CBARP: variants seen among roughly 807,000 people sequenced by gnomAD.
CBARP encodes CACN subunit beta associated regulatory protein, also known as voltage-dependent calcium channel beta subunit-associated regulatory protein.
A neutral mutation model predicts 36.3 loss-of-function variants in CBARP; 24 were observed. The observed-to-expected ratio is 0.66, with a 90% confidence interval of 0.48 to 0.93. The LOEUF (loss-of-function observed/expected upper bound fraction) is 0.93, where lower values mean the gene tolerates loss of function less well. CBARP is among the 40% of genes least tolerant of loss of function. The pLI is 0.00. For missense variants in CBARP, 1,146 were observed against 980.4 expected, an observed-to-expected ratio of 1.17 and a Z score of -2.26; for synonymous variants, 586 against 453.2, an observed-to-expected ratio of 1.29 and a Z score of -3.72.
At chr19:1,234,498 G>T in intron 6 of CBARP, 73 bp downstream of exon 6, 3 of 1,486,638 alleles carry the variant, frequency 2.0e-6, no homozygotes, top group Non-Finnish European at 2.7e-6. Flanking sequence ...GTGGGTGAGG[G>T]CGTGGGGGTC....
rs915400878 is a variant in CBARP at position 1,229,313 on chromosome 19, A to C, written c.1984T>G (p.Ser662Ala). The C allele has an allele frequency of 8.0e-7, 1 of 1,252,618 alleles. No homozygotes were observed. The highest frequency in any genetic ancestry group is 1.0e-6 in the Non-Finnish European group (1 of 975,056). 77.6% of individuals were successfully genotyped at this position (1,252,618 alleles called of 1,614,324 possible). Reference sequence around the variant, plus strand: ...GCCAGCTTGTCCAGCACCGACCCGGATGGTAGGACGCACAGGCCCGAGCCG... The same window carrying C: ...GCCAGCTTGTCCAGCACCGACCCGGCTGGTAGGACGCACAGGCCCGAGCCG... ...CPGSGLCVLP[S>A]GSVLDKLAAG... The change falls in exon 10 of 10, where the codon TCC (serine) becomes GCC (alanine). Residue 662 changes from serine to alanine, a missense_variant. By Grantham distance (99) the Ser-to-Ala change is moderately conservative. Transcript: ENST00000650044. The surrounding 1 kb of genome is among the most constrained non-coding windows in gnomAD (Gnocchi z 5.1).
intron 8 of CBARP, 124 bp from the exon 9 acceptor site, chr19:1,231,399 C>A (rs551244198): frequency 7.4e-7 from 1 of 1,359,264 alleles, no homozygotes; most frequent in Non-Finnish European, 9.7e-7. Context: ...CCACACACAA[C>A]GCCTGTGGAC....
intron 9 of CBARP, 68 bp downstream of exon 9, chr19:1,231,033 T>C (rs1568731085): frequency 6.4e-7 from 1 of 1,553,630 alleles, no homozygotes; most frequent in East Asian, 2.3e-5. Flanking sequence ...CTGGGCCGCC[T>C]AGGGGGGGGC....
chr19:1,233,453 G>T lies in CBARP; in HGVS notation c.952C>A (p.Gln318Lys). 1.3e-6 allele frequency: 2 copies of T among 1,598,184 alleles called. No individual in the cohort carries two copies. The highest frequency in any genetic ancestry group is 1.7e-6 in the Non-Finnish European group (2 of 1,172,868). The change falls in exon 8 of 10, where the codon CAG (glutamine) becomes AAG (lysine). Residue 318 changes from glutamine to lysine, a missense_variant. Gln to Lys is a moderately conservative substitution (Grantham distance 53). Transcript: ENST00000650044. ...KVKKWKLEPS[Q>K]RAASLDTRGS... ...CTCGTGTCCAGACTGGCTGCCCGCTGGCTGGGCTCCAGCTTCCACTTCTTG... is the reference window on the plus strand; with the variant it reads ...CTCGTGTCCAGACTGGCTGCCCGCTTGCTGGGCTCCAGCTTCCACTTCTTG...
chr19:1,233,560 G>T lies in CBARP; in HGVS notation c.845C>A (p.Ser282Tyr), dbSNP rs1436913886. The change falls in exon 8 of 10, where the codon TCC (serine) becomes TAC (tyrosine). Residue 282 changes from serine (S) to tyrosine (Y), a missense_variant. Physicochemically the swap from Ser to Tyr is moderately radical, Grantham distance 144 (BLOSUM62 -2). Transcript: ENST00000650044. Reference sequence around the variant, plus strand: ...GAACTGCAGAACGGTACCTGCCCCGGATCCCGGGCCCGCCTCCCCAGGCCC... The same window carrying T: ...GAACTGCAGAACGGTACCTGCCCCGTATCCCGGGCCCGCCTCCCCAGGCCC... ...AAGPGEAGPG[S>Y]GAGTVLQFLT... 1 of 1,609,100 alleles carries T rather than the reference G, an allele frequency of 6.2e-7. No individual in the cohort carries two copies. The highest frequency in any genetic ancestry group is 8.5e-7 in the Non-Finnish European group (1 of 1,178,558).
Position 1,235,111 on chromosome 19 carries a change from C to G in CBARP, c.345G>C (p.Gln115His). The G allele has an allele frequency of 6.2e-7, 1 of 1,602,744 alleles. No individual in the cohort carries two copies. Among genetic ancestry groups the G allele is most frequent in the Non-Finnish European group, 8.5e-7 (1 of 1,175,276 alleles). The change falls in exon 5 of 10, where the codon CAG becomes CAC. Residue 115 changes from glutamine to histidine, a missense_variant. Physicochemically the swap from Gln to His is conservative, Grantham distance 24. Coordinates refer to ENST00000650044, the MANE Select transcript of CBARP (RefSeq NM_001393918.1). The part of the protein sequence containing the change: ...PDFRGEDPEC[Q>H]DAETERFLST... ...ACAGGAAGCGTTCGGTCTCCGCATC[C>G]TGGCACTCGGGGTCCTCTCCCCGGA...
In CBARP at chr19:1,235,503, T is replaced by G. The variant is rs2080956348; in HGVS notation, c.308A>C (p.Gln103Pro). The G allele has an allele frequency of 1.3e-6, 2 of 1,591,872 alleles. No individual in the cohort carries two copies. Among genetic ancestry groups the G allele is most frequent in the Non-Finnish European group, 1.7e-6 (2 of 1,171,682 alleles). ...AGCCAGGCTGGCCAGCACCTCACCT[T>G]GGGCTGGGTGGGTGCCGTTGTCCAG... is the stretch of plus-strand genomic sequence containing the variant. ...TYLDNGTHPA[Q>P]DPDFRGEDPE... The change falls in exon 4 of 10, where the codon CAA (glutamine) becomes CCA (proline). Residue 103 changes from glutamine (Q) to proline (P), a missense_variant and splice_region_variant. By Grantham distance (76) the Gln-to-Pro change is moderately conservative. Transcript: ENST00000650044.
chr19:1,229,944 C>T lies in CBARP; in HGVS notation c.1353G>A (p.Ser451=), dbSNP rs745308625. Residue 451 remains serine, a synonymous_variant, in exon 10 of 10, where the codon TCG becomes TCA. Coordinates refer to ENST00000650044, the MANE Select transcript of CBARP (RefSeq NM_001393918.1). This position sits in a 1 kb window ranked among gnomAD's most constrained non-coding sequence, Gnocchi z 5.1. ...RASLELHAAA[S]DHSSSGNDRD... is the part of the protein sequence containing the mutation. The stretch of plus-strand genomic sequence containing the variant: ...GGTCGTTGCCGCTGCTGCTGTGGTC[C>T]GAGGCGGCCGCATGCAGCTCAAGCG... The T allele has an allele frequency of 1.7e-6, 2 of 1,197,632 alleles. No homozygotes were observed. The highest frequency in any genetic ancestry group is 1.7e-5 in the African/African-American group (1 of 60,298). The allele number at this position is 1,197,632 out of a possible 1,614,324, so 74.2% of individuals were successfully genotyped here. A position where few individuals can be genotyped will look rare whatever the true frequency, so the allele number is the denominator to read the frequency against.
chr19:1,234,633 C>T lies in CBARP; in HGVS notation c.565G>A (p.Ala189Thr), dbSNP rs747668437. The change falls in exon 6 of 10, where the codon GCC (alanine) becomes ACC (threonine). Residue 189 changes from alanine (A) to threonine (T), a missense_variant. By Grantham distance (58) the Ala-to-Thr change is moderately conservative. Coordinates refer to ENST00000650044, the MANE Select transcript of CBARP (RefSeq NM_001393918.1). ...GGGTGGGGCGTGGTGGCTGAGCTGG[C>T]CTCGCCTGAGTCACACTCGTGGATG... ...VTIHECDSGEASSATTPHPAT... is the reference protein window; with the variant it reads ...VTIHECDSGETSSATTPHPAT... 2 of 1,610,432 alleles carry T rather than the reference C, an allele frequency of 1.2e-6. No individual in the cohort carries two copies. The highest frequency in any genetic ancestry group is 1.1e-5 in the South Asian group (1 of 90,138).
At chr19:1,230,798 C>T in intron 9 of CBARP, 1 of 1,423,046 alleles carries the variant, frequency 7.0e-7, no homozygotes, top group Non-Finnish European at 9.1e-7. Flanking sequence ...GGCCTGGGAC[C>T]ACAGCAGAAC....
rs1342477332 is a variant in CBARP at position 1,229,446 on chromosome 19, C to T, written c.1851G>A (p.Arg617=). The change falls in exon 10 of 10, where the codon CGG becomes CGA. Residue 617 remains arginine (R), a synonymous_variant. Coordinates refer to ENST00000650044, the MANE Select transcript of CBARP (RefSeq NM_001393918.1). The surrounding 1 kb of genome is among the most constrained non-coding windows in gnomAD (Gnocchi z 5.1). Reference sequence around the variant, plus strand: ...GCGGGCCGTCCACGCTGTCGCCGCGCCGCAAGGGCGCACGCGCGGGTCGGG... The same window carrying T: ...GCGGGCCGTCCACGCTGTCGCCGCGTCGCAAGGGCGCACGCGCGGGTCGGG... ...GAARPARAPL[R]RGDSVDGPPD... is the part of the protein sequence containing the mutation. 1.0e-6 allele frequency: 1 copy of T among 983,588 alleles called. No individual in the cohort carries two copies. The highest frequency in any genetic ancestry group is 1.2e-6 in the Non-Finnish European group (1 of 830,174). The allele number at this position is 983,588 out of a possible 1,614,324, so 60.9% of individuals were successfully genotyped here. A position where few individuals can be genotyped will look rare whatever the true frequency, so the allele number is the denominator to read the frequency against.
In CBARP at chr19:1,228,530, GAGGGCCGGGGCCGGCTCCCTC is replaced by G. The variant is rs1169770622; in HGVS notation, c.*628_*648del. 7 of 182,120 alleles carry G rather than the reference GAGGGCCGGGGCCGGCTCCCTC, an allele frequency of 3.8e-5. No individual in the cohort carries two copies. Among genetic ancestry groups the G allele is most frequent in the Non-Finnish European group, 7.0e-5 (6 of 85,494 alleles). 11.3% of individuals were successfully genotyped at this position (182,120 alleles called of 1,614,324 possible). ...AGGGCAGTGGGGACTCGGGGCGCGG[GAGGGCCGGGGCCGGCTCCCTC>G]AGGGCCGGCGGCAGCAGCGGTGGCG... On this transcript the variant is annotated 3_prime_UTR_variant, in exon 10 of 10. Coordinates refer to ENST00000650044, the MANE Select transcript of CBARP (RefSeq NM_001393918.1).
At chr19:1,233,305 G>C in intron 8 of CBARP, 121 bp downstream of exon 8, 1 of 1,030,202 alleles carries the variant, frequency 9.7e-7, no homozygotes, top group South Asian at 1.7e-5. Context: ...GCAGGACTCA[G>C]CCCCAGAGCA....
chr19:1,232,882 G>A (rs1360873401), intron 8 of CBARP, among the ~76,000 whole-genome samples: 1 of 152,230 alleles, frequency 6.6e-6, no homozygotes, highest in Non-Finnish European at 1.5e-5. Flanking sequence ...GGAAAAGTCT[G>A]CTGACCCCTG....
intron 5 of CBARP, 121 bp downstream of exon 5, chr19:1,234,880 C>A: frequency 6.7e-7 from 1 of 1,498,280 alleles, no homozygotes. Flanking sequence ...CCCCACCCCA[C>A]GGTCCCAGTC....
intron 9 of CBARP, 73 bp downstream of exon 9, chr19:1,231,028 C>T (rs1241410345): frequency 1.9e-6 from 3 of 1,549,120 alleles, no homozygotes; most frequent in Non-Finnish European, 2.6e-6. Flanking sequence ...GCTCCCTGGG[C>T]CGCCTAGGGG....
chr19:1,235,699 G>A (rs2080959784), intron 3 of CBARP, 80 bp downstream of exon 3: 3 of 1,600,920 alleles, frequency 1.9e-6, no homozygotes, highest in Non-Finnish European at 2.6e-6. Context: ...TGACTCAGAA[G>A]CCAGTGAGGT....
intron 5 of CBARP, 101 bp from the exon 6 acceptor site, chr19:1,234,843 C>G (rs753346311): frequency 6.6e-7 from 1 of 1,517,576 alleles, no homozygotes; most frequent in Non-Finnish European, 8.9e-7. Context: ...CAGGGGCAGG[C>G]GAAAGGGGGG....
At position 1,228,752 on chromosome 19, in the gene CBARP, C is replaced by A. The variant is rs916646004; in HGVS notation, c.*427G>T. 6.9e-6 allele frequency: 1 copy of A among 145,906 alleles called. No homozygotes were observed. Among genetic ancestry groups the A allele is most frequent in the Non-Finnish European group, 1.5e-5 (1 of 66,050 alleles). 9.0% of individuals were successfully genotyped at this position (145,906 alleles called of 1,614,324 possible). A position where few individuals can be genotyped will look rare whatever the true frequency, so the allele number is the denominator to read the frequency against. On this transcript the variant is annotated 3_prime_UTR_variant, in exon 10 of 10. Transcript: ENST00000650044. ...GCCCGGGCGAGCTCGCGCACGCGCC[C>A]GGCACGCGGCGGCTCCATCGGGCCC...
Sources: gnomAD v4.1 joint callset for allele counts (sites outside exome capture counted in the v4.1 genomes callset) on GRCh38, gnomAD v4.1.1 for gene constraint, Gnocchi (gnomAD v3.1) non-coding constraint, MANE v1.5 for transcripts, NCBI Gene and HGNC (gene_info 2026-07-23, HGNC 2026-07-21) for gene names.